Variants in MRPS18A observed in about 807,000 individuals in gnomAD.
MRPS18A encodes the protein large ribosomal subunit protein mL66.
A neutral mutation model predicts 22.7 loss-of-function variants in MRPS18A; 20 were observed. The observed-to-expected ratio is 0.88, with a 90% confidence interval of 0.62 to 1.28. The LOEUF is 1.28. MRPS18A is among the 50% of genes most tolerant of loss of function. MRPS18A has a pLI of 0.00. For missense variants in MRPS18A, 294 were observed against 262.6 expected (o/e 1.12, Z -0.83); for synonymous variants, 106 against 99.1 (o/e 1.07, Z -0.41).
At chr6:43,678,446 C>T (rs765443310) in intron 3 of MRPS18A, 72 bp downstream of exon 3, 7 of 1,147,816 alleles carry the variant, frequency 6.1e-6, no homozygotes, top group South Asian at 2.5e-5. Flanking sequence ...CGGGGACATG[C>T]TGCTCCAGTT....
At chr6:43,681,418 C>T (rs1774406229) in intron 1 of MRPS18A, among the ~76,000 whole-genome samples, 1 of 152,194 alleles carries the variant, frequency 6.6e-6, no homozygotes, top group Admixed American at 6.5e-5. Flanking sequence ...TTGGTTCTAT[C>T]CAAAGGAATT....
chr6:43,678,624 A>G lies in MRPS18A; in HGVS notation c.146T>C (p.Ile49Thr). ...GGGAGTCGCTGTGATACGGCCTTCA[A>G]TCTAGGAGACAGAGAAAGTGAGCCA... Reference protein sequence around the residue: ...VETQEGKTTIIEGRITATPKE... With the variant: ...VETQEGKTTITEGRITATPKE... The change falls in exon 3 of 6, where the codon ATT (isoleucine) becomes ACT (threonine). Residue 49 changes from isoleucine (I) to threonine (T), a missense_variant and splice_region_variant. Ile to Thr is a moderately conservative substitution (Grantham distance 89). Transcript: ENST00000372133. 6.2e-7 allele frequency: 1 copy of G among 1,610,664 alleles called. No individual in the cohort carries two copies. Among genetic ancestry groups the G allele is most frequent in the Non-Finnish European group, 8.5e-7 (1 of 1,176,960 alleles).
chr6:43,672,485 A>G (rs2277126), intron 5 of MRPS18A: 33,717 of 468,158 alleles, frequency 0.072, 1,495 homozygotes, highest in Middle Eastern at 0.14. Context: ...GCTGCCGCCC[A>G]TGGACCTTTG....
chr6:43,687,734 G>T lies in MRPS18A; in HGVS notation c.46C>A (p.Arg16Ser). The change falls in exon 1 of 6, where the codon CGT (arginine) becomes AGT (serine). Residue 16 changes from arginine to serine, a missense_variant. By Grantham distance (110) the Arg-to-Ser change is moderately radical. Coordinates refer to ENST00000372133, the MANE Select transcript of MRPS18A (RefSeq NM_018135.4). ...ALVSGCGRLL[R>S]GLLAGPAATS... Reference sequence around the variant, plus strand: ...GCTGCCGGGCCCGCTAGTAGCCCACGGAGAAGCCGCCCACAGCCGGACACC... The same window carrying T: ...GCTGCCGGGCCCGCTAGTAGCCCACTGAGAAGCCGCCCACAGCCGGACACC... 6.3e-7 allele frequency: 1 copy of T among 1,587,836 alleles called. No homozygotes were observed. The highest frequency in any genetic ancestry group is 8.6e-7 in the Non-Finnish European group (1 of 1,167,230).
At chr6:43,672,986 CT>C (rs530348186) in intron 5 of MRPS18A, among the ~76,000 whole-genome samples, 1,440 of 127,158 alleles carry the variant, frequency 0.011, 16 homozygotes, top group African/African-American at 0.037. Flanking sequence ...ATAGGGACTG[CT>C]TTTTTTTTTT....
At chr6:43,676,161 A>T (rs1213444505) in intron 3 of MRPS18A, among the ~76,000 whole-genome samples, 1 of 152,160 alleles carries the variant, frequency 6.6e-6, no homozygotes, top group East Asian at 1.9e-4. Flanking sequence ...TCCTGAGATC[A>T]TCTTCTGATA....
intron 3 of MRPS18A, 119 bp from the exon 4 acceptor site, chr6:43,675,736 C>G: frequency 1.7e-6 from 2 of 1,206,164 alleles, no homozygotes; most frequent in East Asian, 2.4e-5. Context: ...GCTGAGATCA[C>G]TTCCTCCACA....
Position 43,678,639 on chromosome 6 carries a change from A to G in MRPS18A, c.145-14T>C, listed in dbSNP as rs201408823. ...ACGGCCTTCAATCTAGGAGACAGAGAAAGTGAGCCAGTGTGAGAGACAGGA... is the reference window on the plus strand; with the variant it reads ...ACGGCCTTCAATCTAGGAGACAGAGGAAGTGAGCCAGTGTGAGAGACAGGA... On this transcript the variant is annotated splice_polypyrimidine_tract_variant and intron_variant, in intron 2 of 5. Coordinates refer to ENST00000372133, the MANE Select transcript of MRPS18A (RefSeq NM_018135.4). 13 of 1,590,466 alleles carry G rather than the reference A, an allele frequency of 8.2e-6. No homozygotes were observed. The African/African-American group carries it at 1.3e-4, about 16-fold the overall frequency.
intron 3 of MRPS18A, among the ~76,000 whole-genome samples, chr6:43,677,685 G>A (rs1774134595): frequency 6.6e-6 from 1 of 152,074 alleles, no homozygotes; most frequent in Admixed American, 6.5e-5. Flanking sequence ...ATACTGGCTG[G>A]GGGATCTGAG....
At position 43,671,322 on chromosome 6, in the gene MRPS18A, C is replaced by T; in HGVS notation, c.*440G>A. ...ACAGCTGTCATGAAGAGGATGGGAC[C>T]TGTTTGGCCCATGAATTCAATTGAC... On this transcript the variant is annotated 3_prime_UTR_variant, in exon 6 of 6. Transcript: ENST00000372133. 2 of 422,040 alleles carry T rather than the reference C, an allele frequency of 4.7e-6. No individual in the cohort carries two copies. The highest frequency in any genetic ancestry group is 4.8e-5 in the East Asian group (1 of 21,040). The allele number at this position is 422,040 out of a possible 1,614,324, so 26.1% of individuals were successfully genotyped here.
chr6:43,675,640 G>T lies in MRPS18A; in HGVS notation c.253-23C>A. On this transcript the variant is annotated intron_variant, in intron 3 of 5. Transcript: ENST00000372133. ...ATCCTAGTGGAAACCGAAAATAGGG[G>T]ATGAGGGTCAGCTGGGCTTGCTTTT... The T allele has an allele frequency of 1.9e-6, 3 of 1,588,466 alleles. No homozygotes were observed. The South Asian group carries it at 3.4e-5, about 18-fold the overall frequency.
At chr6:43,686,498 T>C (rs767933973) in intron 1 of MRPS18A, among the ~76,000 whole-genome samples, 3 of 152,242 alleles carry the variant, frequency 2.0e-5, no homozygotes, top group Non-Finnish European at 4.4e-5. Flanking sequence ...TATTTCCATC[T>C]CTTCATCAAC....
chr6:43,681,159 A>C (rs764935324), intron 1 of MRPS18A, 39 bp from the exon 2 acceptor site: 3 of 1,597,798 alleles, frequency 1.9e-6, no homozygotes, highest in South Asian at 2.2e-5. Context: ...TCAGCCATTT[A>C]ATAAGGAACA....
At chr6:43,679,127 CT>C (rs1380958825) in intron 2 of MRPS18A, among the ~76,000 whole-genome samples, 1 of 152,222 alleles carries the variant, frequency 6.6e-6, no homozygotes, top group Non-Finnish European at 1.5e-5. Flanking sequence ...AGAGCTAAGG[CT>C]ATGCCAATGG....
rs746417973 is a variant in MRPS18A at position 43,681,107 on chromosome 6, T to G, written c.126A>C (p.Gln42His). ...TACTTACTATAGTTGTCTTCCCTTC[T>G]TGGGTCTCCACCACTACGGAGATAA... ...ARGFREVVET[Q>H]EGKTTIIEGR... The change falls in exon 2 of 6, where the codon CAA (glutamine) becomes CAC (histidine). Residue 42 changes from glutamine to histidine, a missense_variant. By Grantham distance (24) the Gln-to-His change is conservative. Coordinates refer to ENST00000372133, the MANE Select transcript of MRPS18A (RefSeq NM_018135.4). The G allele has an allele frequency of 6.2e-7, 1 of 1,613,636 alleles. No homozygotes were observed. Among genetic ancestry groups the G allele is most frequent in the Admixed American group, 1.7e-5 (1 of 60,016 alleles).
intron 1 of MRPS18A, among the ~76,000 whole-genome samples, chr6:43,687,282 G>C (rs1005783892): frequency 3.9e-5 from 6 of 152,202 alleles, no homozygotes; most frequent in African/African-American, 1.4e-4. Context: ...GAGGCTCTGG[G>C]AGGGTACCCA....
chr6:43,681,181 A>G, intron 1 of MRPS18A, 61 bp from the exon 2 acceptor site: 1 of 1,530,810 alleles, frequency 6.5e-7, no homozygotes, highest in Non-Finnish European at 9.0e-7. Flanking sequence ...AGAGTTTCAA[A>G]TAACAGCTCA....
chr6:43,687,287 T>G (rs1465473301), intron 1 of MRPS18A, among the ~76,000 whole-genome samples: 1 of 152,014 alleles, frequency 6.6e-6, no homozygotes, highest in Non-Finnish European at 1.5e-5. Flanking sequence ...TCTGGGAGGG[T>G]ACCCAGATGG....
At chr6:43,683,649 G>A (rs1283314500) in intron 1 of MRPS18A, among the ~76,000 whole-genome samples, 1 of 152,170 alleles carries the variant, frequency 6.6e-6, no homozygotes, top group Admixed American at 6.5e-5. Context: ...TAAGCTAAGG[G>A]AAGAGATGAA....
Sources: allele counts gnomAD v4.1 joint callset (sites outside exome capture counted in the v4.1 genomes callset), GRCh38; gene constraint gnomAD v4.1.1; transcripts MANE v1.5; gene names NCBI Gene and HGNC (gene_info 2026-07-23, HGNC 2026-07-21).